RIMS1: variants seen among roughly 807,000 people sequenced by gnomAD.
The protein encoded by RIMS1 is regulating synaptic membrane exocytosis 1, also known as regulating synaptic membrane exocytosis protein 1.
Under a neutral mutation model 214.1 loss-of-function variants are expected in RIMS1, and 83 were observed. That is an observed-to-expected ratio of 0.39 (90% CI 0.32 to 0.47). The LOEUF is 0.47. Ranked by LOEUF, RIMS1 falls within the 20% of genes least tolerant of loss-of-function variation. The pLI is 0.99. For synonymous variants in RIMS1, 793 were observed against 786.8 expected (o/e 1.01, Z -0.13); for missense variants, 2,050 against 2,161.8 (o/e 0.95, Z 1.03).
chr6:72,137,410 T>C (rs1303408902), intron 4 of RIMS1, among the ~76,000 whole-genome samples: 4 of 152,110 alleles, frequency 2.6e-5, no homozygotes, highest in South Asian at 4.1e-4. Context: ...ATTAACATTG[T>C]ATTATTAATT....
chr6:72,393,851 A>G (rs1453693548), intron 31 of RIMS1, among the ~76,000 whole-genome samples: 1 of 152,154 alleles, frequency 6.6e-6, no homozygotes, highest in Non-Finnish European at 1.5e-5. Flanking sequence ...GAGATTTCCA[A>G]CCTAGAATAC....
intron 2 of RIMS1, among the ~76,000 whole-genome samples, chr6:72,075,760 T>C (rs571000562): frequency 2.6e-5 from 4 of 152,198 alleles, no homozygotes; most frequent in African/African-American, 9.7e-5. Context: ...GACACAGATA[T>C]TCAGTCCATA....
rs200035429 is a variant in RIMS1 at position 72,400,688 on chromosome 6, A to G, written c.5053A>G (p.Thr1685Ala). 223 of 1,613,458 alleles carry G rather than the reference A, an allele frequency of 1.4e-4. No individual in the cohort carries two copies. The highest frequency in any genetic ancestry group is 1.7e-4 in the Non-Finnish European group (199 of 1,179,642). ...TTCCCAGTCATCTCTGGAAAGTTCA[A>G]CTGGGCCTCCCTGTATTCGATCATA... ...RASQSSLESSTGPPCIRS is the reference protein window; with the variant it reads ...RASQSSLESSAGPPCIRS Residue 1685 changes from threonine to alanine, a missense_variant, in exon 34 of 34, where the codon ACT (threonine) becomes GCT (alanine). Coordinates refer to ENST00000521978, the MANE Select transcript of RIMS1 (RefSeq NM_014989.7).
chr6:72,085,262 A>C (rs1179312713), intron 2 of RIMS1, among the ~76,000 whole-genome samples: 1 of 152,164 alleles, frequency 6.6e-6, no homozygotes, highest in Admixed American at 6.6e-5. Flanking sequence ...AGTAATTTTC[A>C]AAAATTACTC....
At chr6:71,932,466 G>A (rs554751098) in intron 1 of RIMS1, among the ~76,000 whole-genome samples, 72 of 152,184 alleles carry the variant, frequency 4.7e-4, no homozygotes, top group African/African-American at 1.7e-3. Flanking sequence ...ACACAATGGG[G>A]CTTTTCAGAG....
At chr6:72,027,464 A>G (rs1346064553) in intron 2 of RIMS1, among the ~76,000 whole-genome samples, 1 of 152,176 alleles carries the variant, frequency 6.6e-6, no homozygotes, top group Non-Finnish European at 1.5e-5. Flanking sequence ...CCCTCAGAGA[A>G]TGTAAATAAT....
intron 29 of RIMS1, among the ~76,000 whole-genome samples, chr6:72,337,751 C>A (rs1003134700): frequency 8.4e-6 from 1 of 118,784 alleles, no homozygotes; most frequent in African/African-American, 3.2e-5. Context: ...TCCCCCCACC[C>A]CACAACAGGC....
intron 1 of RIMS1, among the ~76,000 whole-genome samples, chr6:71,899,175 T>A (rs1251574735): frequency 6.6e-6 from 1 of 152,202 alleles, no homozygotes; most frequent in Non-Finnish European, 1.5e-5. Context: ...TTAATTGTGA[T>A]AATTTTATTT....
chr6:72,175,542 A>C (rs2047586483), intron 4 of RIMS1, among the ~76,000 whole-genome samples: 1 of 152,006 alleles, frequency 6.6e-6, no homozygotes, highest in South Asian at 2.1e-4. Context: ...GCGTGGGGGC[A>C]GGTGCCTGTA....
At chr6:72,312,702 T>C (rs1173682525) in intron 27 of RIMS1, among the ~76,000 whole-genome samples, 1 of 152,166 alleles carries the variant, frequency 6.6e-6, no homozygotes, top group Non-Finnish European at 1.5e-5. Context: ...AATGAAGCCA[T>C]AGTAGAAAGC....
chr6:72,109,878 A>G (rs892310882), intron 4 of RIMS1, among the ~76,000 whole-genome samples: 31 of 152,198 alleles, frequency 2.0e-4, no homozygotes, highest in African/African-American at 6.7e-4. Context: ...TAATTTTTGT[A>G]TAAGGTGTAA....
intron 29 of RIMS1, among the ~76,000 whole-genome samples, chr6:72,384,941 C>T (rs1295781308): frequency 6.6e-5 from 10 of 152,084 alleles, no homozygotes; most frequent in Admixed American, 6.6e-4. Context: ...TCTAAATAAG[C>T]AAAGAGAGAA....
chr6:72,078,722 C>T (rs1297127045), intron 2 of RIMS1, among the ~76,000 whole-genome samples: 3 of 152,102 alleles, frequency 2.0e-5, no homozygotes, highest in Admixed American at 6.5e-5. Flanking sequence ...TTTAAAGGAG[C>T]ATTTTCTCAG....
chr6:72,101,844 C>T (rs887230585), intron 4 of RIMS1, among the ~76,000 whole-genome samples: 2 of 151,792 alleles, frequency 1.3e-5, no homozygotes, highest in Admixed American at 1.3e-4. Flanking sequence ...CATCCTCAGC[C>T]TAAATCATAT....
At chr6:72,147,637 A>C (rs1246693748) in intron 4 of RIMS1, among the ~76,000 whole-genome samples, 1 of 152,206 alleles carries the variant, frequency 6.6e-6, no homozygotes, top group Non-Finnish European at 1.5e-5. Context: ...AGAAGAAAAG[A>C]ATGTTTTTCT....
chr6:72,202,994 TTTTTTATTTTTTGAGACGGAGTCTC>T (rs1243043109), intron 6 of RIMS1, among the ~76,000 whole-genome samples: 1 of 152,156 alleles, frequency 6.6e-6, no homozygotes, highest in African/African-American at 2.4e-5. Context: ...TCTTTTTTTA[TTTTTTATTTTTTGAGACGGAGTCTC>T]CCTCTGTCGC....
At chr6:72,388,299 C>G (rs1377419657) in intron 29 of RIMS1, among the ~76,000 whole-genome samples, 1 of 152,076 alleles carries the variant, frequency 6.6e-6, no homozygotes, top group African/African-American at 2.4e-5. Flanking sequence ...GTAAAAAAGG[C>G]CCAGAAGCAG....
intron 27 of RIMS1, among the ~76,000 whole-genome samples, chr6:72,310,428 A>C (rs2746202): frequency 0.022 from 3,321 of 152,066 alleles, 103 homozygotes; most frequent in African/African-American, 0.074. Flanking sequence ...TGGTATACAG[A>C]GTGGCATACC....
chr6:72,031,065 A>G (rs1423951214), intron 2 of RIMS1, among the ~76,000 whole-genome samples: 2 of 152,182 alleles, frequency 1.3e-5, no homozygotes, highest in African/African-American at 4.8e-5. Flanking sequence ...AACACATGGC[A>G]TGACAGTTTT....
Sources: allele counts gnomAD v4.1 joint callset (sites outside exome capture counted in the v4.1 genomes callset), GRCh38; gene constraint gnomAD v4.1.1; transcripts MANE v1.5; gene names NCBI Gene and HGNC (gene_info 2026-07-23, HGNC 2026-07-21).